EYA1: variants seen among roughly 807,000 people sequenced by gnomAD.
EYA1 encodes protein phosphatase EYA1.
Under a neutral mutation model 82.0 loss-of-function variants are expected in EYA1, and 16 were observed. That is an observed-to-expected ratio of 0.20 (90% CI 0.13 to 0.30). EYA1 has a LOEUF of 0.30. EYA1 is among the 10% of genes least tolerant of loss of function. The pLI is 1.00. For missense variants in EYA1, 633 were observed against 730.7 expected, an observed-to-expected ratio of 0.87 and a Z score of 1.54; for synonymous variants, 261 against 264.4, an observed-to-expected ratio of 0.99 and a Z score of 0.12.
chr8:71,371,888 A>G (rs567123335), intron 2 of EYA1, among the ~76,000 whole-genome samples: 1 of 152,134 alleles, frequency 6.6e-6, no homozygotes, highest in Non-Finnish European at 1.5e-5. Context: ...GTTGAAAAAT[A>G]AAACTGTTGA....
chr8:71,406,895 CT>C, intron 2 of EYA1, among the ~76,000 whole-genome samples: 1 of 145,746 alleles, frequency 6.9e-6, no homozygotes, highest in East Asian at 2.0e-4. Flanking sequence ...GCCTGCCTGC[CT>C]CTGTAGGCTC....
chr8:71,330,299 G>A (rs1249458276), intron 4 of EYA1, among the ~76,000 whole-genome samples: 1 of 152,120 alleles, frequency 6.6e-6, no homozygotes, highest in African/African-American at 2.4e-5. Context: ...TGTTTCAGTG[G>A]AAAAGTTATT....
chr8:71,458,101 A>G (rs1368887484), intron 2 of EYA1, among the ~76,000 whole-genome samples: 1 of 152,144 alleles, frequency 6.6e-6, no homozygotes, highest in African/African-American at 2.4e-5. Context: ...ATACAAGAAA[A>G]ACTAGAGGAT....
Position 71,414,375 on chromosome 8 carries a change from C to T in EYA1, c.34-57864G>A, listed in dbSNP as rs192328313. 3.5e-3 allele frequency among the ~76,000 whole-genome samples: 532 copies of T among 152,314 alleles called. 2 individuals carry two copies. Among genetic ancestry groups the T allele is most frequent in the Middle Eastern group, 0.02 (6 of 294 alleles). On this transcript the variant is annotated intron_variant, in intron 2 of 18. Coordinates refer to the EYA1 transcript ENST00000643681. Reference sequence around the variant, plus strand: ...ACTACAGGAGGTTTCTCTCAAAAAACACCAGAATTATCTGAGTCTCTTCAA... The same window carrying T: ...ACTACAGGAGGTTTCTCTCAAAAAATACCAGAATTATCTGAGTCTCTTCAA...
chr8:71,222,660 T>C (rs967321147), intron 12 of EYA1, among the ~76,000 whole-genome samples: 2 of 152,364 alleles, frequency 1.3e-5, no homozygotes, highest in South Asian at 4.1e-4. Context: ...GTTCTTAAGT[T>C]GAATTTATGG....
chr8:71,463,756 G>A (rs1392565758), intron 2 of EYA1, among the ~76,000 whole-genome samples: 2 of 150,952 alleles, frequency 1.3e-5, no homozygotes, highest in Non-Finnish European at 2.9e-5. Context: ...CATTCCTACC[G>A]GTCTGCCACA....
At chr8:71,331,167 T>C (rs1823798950) in intron 4 of EYA1, among the ~76,000 whole-genome samples, 1 of 147,818 alleles carries the variant, frequency 6.8e-6, no homozygotes. Context: ...AGGCAGAGGT[T>C]GCAGTGAGCC....
At chr8:71,481,709 C>T (rs1340512449) in intron 2 of EYA1, among the ~76,000 whole-genome samples, 1 of 152,024 alleles carries the variant, frequency 6.6e-6, no homozygotes, top group Non-Finnish European at 1.5e-5. Context: ...CTACTTTTCC[C>T]GTAGAGCTGT....
intron 3 of EYA1, among the ~76,000 whole-genome samples, chr8:71,352,893 T>C (rs886339451): frequency 6.6e-6 from 1 of 152,160 alleles, no homozygotes; most frequent in Non-Finnish European, 1.5e-5. Context: ...ACACACTCTG[T>C]TTCAGTACTG....
At chr8:71,362,367 G>T, upstream of EYA1, 1 of 212,130 alleles carries the variant, frequency 4.7e-6, no homozygotes, top group Non-Finnish European at 8.1e-6. Flanking sequence ...CTGAGACGTG[G>T]TCAACACACA....
chr8:71,503,318 C>A (rs1333313384), intron 2 of EYA1, among the ~76,000 whole-genome samples: 3 of 151,942 alleles, frequency 2.0e-5, no homozygotes. Flanking sequence ...ACTAAAAATA[C>A]AAAAATTACC....
upstream of EYA1, among the ~76,000 whole-genome samples, chr8:71,365,717 T>TTCC (rs1350401428): frequency 6.6e-6 from 1 of 152,188 alleles, no homozygotes; most frequent in Non-Finnish European, 1.5e-5. Flanking sequence ...GCTGACACTA[T>TTCC]GATCCTTGTT....
chr8:71,299,778 A>G, intron 7 of EYA1, 58 bp from the exon 8 acceptor site: 1 of 903,814 alleles, frequency 1.1e-6, no homozygotes. Context: ...ATGTGGGTAC[A>G]GGAAAATAGC....
chr8:71,512,341 G>GA (rs35678013), intron 2 of EYA1, among the ~76,000 whole-genome samples: 4,340 of 150,386 alleles, frequency 0.029, 219 homozygotes, highest in African/African-American at 0.1. Flanking sequence ...GAAAAGTTCA[G>GA]AAAAAAGTTT....
At chr8:71,521,004 A>T (rs1355409826) in intron 2 of EYA1, among the ~76,000 whole-genome samples, 1 of 152,176 alleles carries the variant, frequency 6.6e-6, no homozygotes, top group Non-Finnish European at 1.5e-5. Context: ...AAAAATGTTT[A>T]TCACAAGACT....
chr8:71,328,483 C>T (rs980349338), intron 4 of EYA1, among the ~76,000 whole-genome samples: 2 of 152,320 alleles, frequency 1.3e-5, no homozygotes, highest in Admixed American at 1.3e-4. Flanking sequence ...ACAGCTTCAG[C>T]CTCTCCACCA....
intron 3 of EYA1, among the ~76,000 whole-genome samples, chr8:71,344,344 A>C (rs1008624316): frequency 6.6e-6 from 1 of 152,216 alleles, no homozygotes; most frequent in African/African-American, 2.4e-5. Context: ...TTTATGACAC[A>C]GGCAATATTA....
intron 2 of EYA1, among the ~76,000 whole-genome samples, chr8:71,445,776 C>T (rs1378276278): frequency 6.6e-6 from 1 of 152,168 alleles, no homozygotes; most frequent in Non-Finnish European, 1.5e-5. Context: ...GTAGCTGGGA[C>T]TACAGGCACC....
At chr8:71,372,129 A>C (rs375252045) in intron 2 of EYA1, among the ~76,000 whole-genome samples, 3 of 152,154 alleles carry the variant, frequency 2.0e-5, no homozygotes, top group African/African-American at 7.2e-5. Context: ...GAGTAAAAAC[A>C]ACTCACATCA....
Sources: gnomAD v4.1 joint callset for allele counts (sites outside exome capture counted in the v4.1 genomes callset) on GRCh38, gnomAD v4.1.1 for gene constraint, MANE v1.5 for transcripts, NCBI Gene and HGNC (gene_info 2026-07-23, HGNC 2026-07-21) for gene names.